The following ADAMTS12 variants were observed in gnomAD, a reference collection of about 807,000 sequenced individuals.
ADAMTS12 encodes the protein A disintegrin and metalloproteinase with thrombospondin motifs 12.
In ADAMTS12, 118 loss-of-function variants were observed where a neutral mutation model predicts 167.8. That is an observed-to-expected ratio of 0.70 (90% confidence interval 0.61 to 0.82). The LOEUF is 0.82. Among genes scored for constraint, ADAMTS12 ranks in the 40% least tolerant of loss-of-function variants. The pLI is 0.00. For missense variants in ADAMTS12, 1,916 were observed against 1,998.8 expected, an observed-to-expected ratio of 0.96 and a Z score of 0.79; for synonymous variants, 704 against 716.9, an observed-to-expected ratio of 0.98 and a Z score of 0.29.
intron 7 of ADAMTS12, among the ~76,000 whole-genome samples, chr5:33,654,816 G>A (rs1740986758): frequency 6.6e-6 from 1 of 151,752 alleles, no homozygotes; most frequent in Admixed American, 6.6e-5. Context: ...TTTCTGCCTT[G>A]TTAGACTGTC....
intron 6 of ADAMTS12, 87 bp downstream of exon 6, chr5:33,661,829 G>A: frequency 1.9e-6 from 3 of 1,556,090 alleles, no homozygotes; most frequent in Non-Finnish European, 2.6e-6. Flanking sequence ...TAGTGAGAAT[G>A]TCATGGGTTT....
At chr5:33,618,489 T>A (rs1739140802) in intron 14 of ADAMTS12, among the ~76,000 whole-genome samples, 1 of 152,150 alleles carries the variant, frequency 6.6e-6, no homozygotes, top group African/African-American at 2.4e-5. Context: ...CACAGAAGAG[T>A]CCATGTCATA....
chr5:33,804,089 T>C (rs1265758728), intron 2 of ADAMTS12, among the ~76,000 whole-genome samples: 1 of 152,188 alleles, frequency 6.6e-6, no homozygotes, highest in Non-Finnish European at 1.5e-5. Flanking sequence ...TCATGGGCTA[T>C]TATAAGGACC....
chr5:33,692,072 T>C (rs1364080443), intron 3 of ADAMTS12, among the ~76,000 whole-genome samples: 7 of 152,252 alleles, frequency 4.6e-5, no homozygotes, highest in African/African-American at 1.4e-4. Flanking sequence ...ATGATGACTG[T>C]GTTAGACTGC....
intron 2 of ADAMTS12, among the ~76,000 whole-genome samples, chr5:33,853,236 C>T (rs17501324): frequency 0.058 from 8,779 of 152,274 alleles, 365 homozygotes; most frequent in Non-Finnish European, 0.082. Flanking sequence ...TTAGAATCAA[C>T]AAGGTCCATC....
rs893625435 is a variant in ADAMTS12 at position 33,868,583 on chromosome 5, G to T, written c.489+12536C>A. On this transcript the variant is annotated intron_variant, in intron 2 of 23. Transcript: ENST00000504830. Reference sequence around the variant, plus strand: ...GAGTAATGATTTAGAGTATCTGGTGGAATAAATTTATAAGGAGCAAAATGT... The same window carrying T: ...GAGTAATGATTTAGAGTATCTGGTGTAATAAATTTATAAGGAGCAAAATGT... Among the ~76,000 whole-genome samples the T allele has an allele frequency of 3.3e-5, 5 of 152,252 alleles. No homozygotes were observed. The South Asian group carries it at 1.0e-3, about 32-fold the overall frequency.
intron 3 of ADAMTS12, among the ~76,000 whole-genome samples, chr5:33,740,490 T>C (rs1006763912): frequency 6.6e-6 from 1 of 152,094 alleles, no homozygotes; most frequent in African/African-American, 2.4e-5. Flanking sequence ...TCCCAAGGGA[T>C]TGAAAACTCT....
At chr5:33,599,571 C>A (rs530773772) in intron 16 of ADAMTS12, among the ~76,000 whole-genome samples, 2 of 152,224 alleles carry the variant, frequency 1.3e-5, no homozygotes, top group African/African-American at 4.8e-5. Context: ...GGGATGGTAG[C>A]CTTATTCCCC....
At chr5:33,607,829 T>A (rs1000357186) in intron 16 of ADAMTS12, among the ~76,000 whole-genome samples, 2 of 152,176 alleles carry the variant, frequency 1.3e-5, no homozygotes, top group Non-Finnish European at 2.9e-5. Context: ...CCAGTAAGGA[T>A]TTTCTTGGAG....
rs1740471466 is a variant in ADAMTS12 at position 33,641,925 on chromosome 5, C to G, written c.1603G>C (p.Gly535Arg). 2 of 1,613,268 alleles carry G rather than the reference C, an allele frequency of 1.2e-6. No homozygotes were observed. The highest frequency in any genetic ancestry group is 1.7e-6 in the Non-Finnish European group (2 of 1,179,540). ...CCAGGAATGCTCTCTGGTTTCTTCC[C>G]CACTGTGATGCACTTGCCTGCCATA... ...WCMAGKCITV[G>R]KKPESIPGGW... The change falls in exon 11 of 24, where the codon GGG becomes CGG. Residue 535 changes from glycine to arginine, a missense_variant. Gly to Arg is a moderately radical substitution (Grantham distance 125). Coordinates refer to ENST00000504830, the MANE Select transcript of ADAMTS12 (RefSeq NM_030955.4).
In ADAMTS12 at chr5:33,874,969, G is replaced by A. The variant is rs115345691; in HGVS notation, c.489+6150C>T. Among the ~76,000 whole-genome samples the A allele has an allele frequency of 1.4e-3, 219 of 152,308 alleles. 2 individuals are homozygous for A. Among genetic ancestry groups the A allele is most frequent in the African/African-American group, 5.1e-3 (213 of 41,566 alleles). On this transcript the variant is annotated intron_variant, in intron 2 of 23. Transcript: ENST00000504830. ...TATAATCCTGGCTACTCGGGAGGCT[G>A]ACGCAGGACAGTTGCTTGAACCAGG...
intron 20 of ADAMTS12, among the ~76,000 whole-genome samples, chr5:33,554,987 T>C (rs1305169361): frequency 6.6e-6 from 1 of 152,216 alleles, no homozygotes; most frequent in Non-Finnish European, 1.5e-5. Context: ...TAAAAATCTT[T>C]CTGATTCACT....
Position 33,810,115 on chromosome 5 carries a change from T to C in ADAMTS12, c.490-58567A>G, listed in dbSNP as rs1044957941. Among the ~76,000 whole-genome samples the C allele has an allele frequency of 2.6e-5, 4 of 151,316 alleles. No homozygotes were observed. The South Asian group carries it at 8.4e-4, about 32-fold the overall frequency. ...CACAAAAGTGGTCCTGCAATGCAAATACTCCTCCCTGAAAGCCCCTGGCCA... is the reference window on the plus strand; with the variant it reads ...CACAAAAGTGGTCCTGCAATGCAAACACTCCTCCCTGAAAGCCCCTGGCCA... On this transcript the variant is annotated intron_variant, in intron 2 of 23. Coordinates refer to ENST00000504830, the MANE Select transcript of ADAMTS12 (RefSeq NM_030955.4).
At chr5:33,554,034 T>C (rs1226726467) in intron 20 of ADAMTS12, among the ~76,000 whole-genome samples, 1 of 152,108 alleles carries the variant, frequency 6.6e-6, no homozygotes, top group Non-Finnish European at 1.5e-5. Context: ...AGAATTCACA[T>C]AAATGAATAG....
intron 23 of ADAMTS12, among the ~76,000 whole-genome samples, chr5:33,530,166 C>A (rs1017817329): frequency 6.6e-6 from 1 of 152,030 alleles, no homozygotes; most frequent in Non-Finnish European, 1.5e-5. Flanking sequence ...CCTCGAATGA[C>A]CTGCCTGCCT....
At chr5:33,727,023 G>A (rs1009622165) in intron 3 of ADAMTS12, among the ~76,000 whole-genome samples, 5 of 152,034 alleles carry the variant, frequency 3.3e-5, no homozygotes, top group African/African-American at 9.7e-5. Flanking sequence ...ATCTCTAGTC[G>A]AGTCAGCTCA....
At chr5:33,810,518 AAT>A (rs1484735499) in intron 2 of ADAMTS12, among the ~76,000 whole-genome samples, 1 of 152,132 alleles carries the variant, frequency 6.6e-6, no homozygotes, top group Non-Finnish European at 1.5e-5. Flanking sequence ...GGTCCTATTC[AAT>A]ATGTGTCTTT....
chr5:33,683,079 G>T lies in ADAMTS12; in HGVS notation c.854C>A (p.Pro285Gln). 1 of 1,612,650 alleles carries T rather than the reference G, an allele frequency of 6.2e-7. No homozygotes were observed. The highest frequency in any genetic ancestry group is 8.5e-7 in the Non-Finnish European group (1 of 1,179,348). The change falls in exon 5 of 24, where the codon CCA becomes CAA. Residue 285 changes from proline to glutamine, a missense_variant. Pro to Gln is a moderately conservative substitution (Grantham distance 76). Transcript: ENST00000504830. ...MNMVTGLFHN[P>Q]SIGNAIHIVV... ...AATGTGAATTGCATTGCCAATGCTT[G>T]GGTTATGGAACAACCCAGTGACCTA...
intron 10 of ADAMTS12, among the ~76,000 whole-genome samples, chr5:33,642,980 A>G (rs10065767): frequency 0.56 from 85,712 of 151,788 alleles, 24,838 homozygotes; most frequent in East Asian, 0.67. Context: ...AAAGAAGATG[A>G]TAAGTGGCCT....
Sources: gnomAD v4.1 joint callset for allele counts (sites outside exome capture counted in the v4.1 genomes callset) on GRCh38, gnomAD v4.1.1 for gene constraint, MANE v1.5 for transcripts, NCBI Gene and HGNC (gene_info 2026-07-23, HGNC 2026-07-21) for gene names.